The following CYP7B1 variants were observed in gnomAD, a reference collection of about 807,000 sequenced individuals.
CYP7B1 encodes the protein cytochrome P450 family 7 subfamily B member 1.
In CYP7B1, 29 loss-of-function variants were observed where a neutral mutation model predicts 42.7. The ratio of observed to expected loss-of-function variants is 0.68; its 90% CI spans 0.51 to 0.93. The LOEUF is 0.93. CYP7B1 is among the 40% of genes least tolerant of loss of function. The pLI is 0.00. For synonymous variants in CYP7B1, 235 were observed against 218.2 expected, an observed-to-expected ratio of 1.08 and a Z score of -0.68; for missense variants, 655 against 600.5, an observed-to-expected ratio of 1.09 and a Z score of -0.95.
chr8:64,653,637 C>T (rs1050989475), intron 1 of CYP7B1, among the ~76,000 whole-genome samples: 4 of 152,108 alleles, frequency 2.6e-5, no homozygotes, highest in Non-Finnish European at 2.9e-5. Context: ...GACTCCTCCC[C>T]GTCACATTCT....
Position 64,708,669 on chromosome 8 carries a change from T to G in CYP7B1, c.123-84130A>C, listed in dbSNP as rs573984245. ...AATGTATTGCTTTTCTGAATTAATGTTTTGTTAGAAATTAATAATTTTTTG... is the reference window on the plus strand; with the variant it reads ...AATGTATTGCTTTTCTGAATTAATGGTTTGTTAGAAATTAATAATTTTTTG... On this transcript the variant is annotated intron_variant, in intron 1 of 5. Coordinates refer to ENST00000310193, the MANE Select transcript of CYP7B1 (RefSeq NM_004820.5). Among the ~76,000 whole-genome samples, 201 of 152,320 alleles carry G rather than the reference T, an allele frequency of 1.3e-3. 1 individual carries two copies. Among genetic ancestry groups the G allele is most frequent in the African/African-American group, 4.7e-3 (195 of 41,574 alleles).
intron 1 of CYP7B1, among the ~76,000 whole-genome samples, chr8:64,713,191 C>T (rs1002554338): frequency 6.6e-6 from 1 of 152,042 alleles, no homozygotes; most frequent in Non-Finnish European, 1.5e-5. Context: ...TGTTTCCAGA[C>T]CCACCCTTAA....
At chr8:64,691,483 G>GGT (rs564758138) in intron 1 of CYP7B1, among the ~76,000 whole-genome samples, 5 of 15,510 alleles carry the variant, frequency 3.2e-4, no homozygotes, top group Admixed American at 6.7e-4. Flanking sequence ...GATGGCAACT[G>GGT]GGGGGGGGGG....
intron 1 of CYP7B1, among the ~76,000 whole-genome samples, chr8:64,747,602 G>A (rs1010001852): frequency 6.6e-6 from 1 of 151,860 alleles, no homozygotes; most frequent in Non-Finnish European, 1.5e-5. Flanking sequence ...TGTTTCAGGA[G>A]TGGCAGAAGT....
intron 1 of CYP7B1, among the ~76,000 whole-genome samples, chr8:64,640,129 G>T (rs1025510609): frequency 6.6e-6 from 1 of 152,222 alleles, no homozygotes; most frequent in South Asian, 2.1e-4. Context: ...CATTCCCTTG[G>T]GGTTGAGGGT....
chr8:64,677,558 C>T (rs1467801342), intron 1 of CYP7B1, among the ~76,000 whole-genome samples: 2 of 150,812 alleles, frequency 1.3e-5, no homozygotes, highest in African/African-American at 4.9e-5. Flanking sequence ...TCTCAAGCAA[C>T]TGAGGAGGAC....
chr8:64,687,070 T>C (rs1487375122), intron 1 of CYP7B1, among the ~76,000 whole-genome samples: 3 of 147,288 alleles, frequency 2.0e-5, no homozygotes, highest in African/African-American at 7.6e-5. Flanking sequence ...CCCTCCACTA[T>C]TGTCCCATGA....
At position 64,591,509 on chromosome 8, in the gene CYP7B1, T is replaced by G. The variant is rs1805032722; in HGVS notation, c.*5133A>C. 6.6e-6 allele frequency among the ~76,000 whole-genome samples: 1 copy of G among 152,228 alleles called. No individual in the cohort carries two copies. The highest frequency in any genetic ancestry group is 2.4e-5 in the African/African-American group (1 of 41,462). ...ACACTAGATAAATGTTGTGCTTTGG[T>G]CTTTGAACAGTTTTAAACTTCTACT... On this transcript the variant is annotated 3_prime_UTR_variant, in exon 6 of 6. Coordinates refer to ENST00000310193, the MANE Select transcript of CYP7B1 (RefSeq NM_004820.5).
intron 1 of CYP7B1, among the ~76,000 whole-genome samples, chr8:64,688,342 TC>T (rs2129632151): frequency 6.6e-6 from 1 of 152,320 alleles, no homozygotes; most frequent in East Asian, 1.9e-4. Flanking sequence ...TGAAGTTTTT[TC>T]CATTTCTCCT....
At chr8:64,732,066 A>T (rs1272126371) in intron 1 of CYP7B1, among the ~76,000 whole-genome samples, 1 of 152,236 alleles carries the variant, frequency 6.6e-6, no homozygotes, top group Admixed American at 6.5e-5. Context: ...GTGGAGTAGG[A>T]GCCCACACAC....
At chr8:64,664,576 T>C (rs1806247578) in intron 1 of CYP7B1, among the ~76,000 whole-genome samples, 1 of 152,142 alleles carries the variant, frequency 6.6e-6, no homozygotes, top group Non-Finnish European at 1.5e-5. Flanking sequence ...GCAGTGAAGC[T>C]GGGGTTCAGG....
chr8:64,628,091 G>C (rs1453282811), intron 1 of CYP7B1, among the ~76,000 whole-genome samples: 2 of 152,096 alleles, frequency 1.3e-5, no homozygotes, highest in Non-Finnish European at 2.9e-5. Context: ...AGCAATGATG[G>C]GGAGCTAACA....
chr8:64,771,636 C>A (rs540415743), intron 1 of CYP7B1, among the ~76,000 whole-genome samples: 3 of 152,208 alleles, frequency 2.0e-5, no homozygotes, highest in Non-Finnish European at 4.4e-5. Flanking sequence ...TCTTTTGATC[C>A]CTCCACCTAT....
intron 1 of CYP7B1, among the ~76,000 whole-genome samples, chr8:64,794,647 C>A (rs561642892): frequency 6.6e-6 from 1 of 152,246 alleles, no homozygotes; most frequent in South Asian, 2.1e-4. Context: ...CCCTAATGAT[C>A]TAATTATAAC....
intron 1 of CYP7B1, among the ~76,000 whole-genome samples, chr8:64,661,565 T>TTA (rs1474320888): frequency 6.6e-6 from 1 of 152,236 alleles, no homozygotes; most frequent in African/African-American, 2.4e-5. Context: ...TTGATTTCTG[T>TTA]TAAACTGTTT....
Position 64,615,903 on chromosome 8 carries a change from C to A in CYP7B1, c.638G>T (p.Arg213Ile). ...GTCATCAAATTTTAAAAAATCATCTCTTAGCTCACTAATAAATTTGTTGTT... is the reference window on the plus strand; with the variant it reads ...GTCATCAAATTTTAAAAAATCATCTATTAGCTCACTAATAAATTTGTTGTT... ...CDNNKFISEL[R>I]DDFLKFDDKF... The change falls in exon 3 of 6, where the codon AGA becomes ATA. Residue 213 changes from arginine to isoleucine, a missense_variant. Coordinates refer to ENST00000310193, the MANE Select transcript of CYP7B1 (RefSeq NM_004820.5). The A allele has an allele frequency of 6.2e-7, 1 of 1,613,532 alleles. No homozygotes were observed. Among genetic ancestry groups the A allele is most frequent in the Non-Finnish European group, 8.5e-7 (1 of 1,179,758 alleles).
chr8:64,792,617 A>G (rs1804636944), intron 1 of CYP7B1, among the ~76,000 whole-genome samples: 1 of 152,192 alleles, frequency 6.6e-6, no homozygotes, highest in Non-Finnish European at 1.5e-5. Context: ...TAGAGATGGG[A>G]TTATCCAGAA....
intron 4 of CYP7B1, among the ~76,000 whole-genome samples, chr8:64,611,863 T>A (rs1034537650): frequency 2.0e-5 from 3 of 152,136 alleles, no homozygotes; most frequent in African/African-American, 7.2e-5. Context: ...TTGAGCATGA[T>A]GTTCATAAAT....
At chr8:64,618,570 TTCTCTCTCTCTCTCTCTCTTTC>T (rs1428006758) in intron 2 of CYP7B1, among the ~76,000 whole-genome samples, 1 of 146,248 alleles carries the variant, frequency 6.8e-6, no homozygotes, top group Non-Finnish European at 1.5e-5. Flanking sequence ...CACATTCATT[TTCTCTCTCTCTCTCTCTCTTTC>T]TCTCTCTCTC....
Sources: allele counts gnomAD v4.1 joint callset (sites outside exome capture counted in the v4.1 genomes callset), GRCh38; gene constraint gnomAD v4.1.1; transcripts MANE v1.5; gene names NCBI Gene and HGNC (gene_info 2026-07-23, HGNC 2026-07-21).